Variants in CACNB4 observed in about 807,000 individuals in gnomAD.
CACNB4 encodes voltage-dependent L-type calcium channel subunit beta-4.
Under a neutral mutation model 71.2 loss-of-function variants are expected in CACNB4, and 32 were observed. The ratio of observed to expected loss-of-function variants is 0.45; its 90% CI spans 0.34 to 0.60. The LOEUF (loss-of-function observed/expected upper bound fraction) is 0.60, where lower values mean the gene tolerates loss of function less well. Among genes scored for constraint, CACNB4 ranks in the 20% least tolerant of loss-of-function variants. CACNB4 has a pLI of 0.01. For synonymous variants in CACNB4, 231 were observed against 236.9 expected, an observed-to-expected ratio of 0.97 and a Z score of 0.23; for missense variants, 464 against 647.9, an observed-to-expected ratio of 0.72 and a Z score of 3.08.
At chr2:151,874,281 AAT>A (rs2151421534) in intron 5 of CACNB4, 1 of 152,294 alleles carries the variant, frequency 6.6e-6, no homozygotes, top group East Asian at 1.9e-4. Flanking sequence ...CAGCCTGACC[AAT>A]ATGATGAAAC....
chr2:151,933,150 G>T (rs1208499349), intron 2 of CACNB4, among the ~76,000 whole-genome samples: 1 of 149,688 alleles, frequency 6.7e-6, no homozygotes, highest in African/African-American at 2.5e-5. Flanking sequence ...TGGTGCAAAA[G>T]TAATTGTGGT....
rs539962929 is a variant in CACNB4 at position 151,931,474 on chromosome 2, A to G, written c.148-48104T>C. Among the ~76,000 whole-genome samples the G allele has an allele frequency of 4.6e-5, 7 of 152,332 alleles. No homozygotes were observed. In the South Asian group the frequency reaches 1.4e-3, roughly 32 times the overall value. On this transcript the variant is annotated intron_variant, in intron 2 of 13. Coordinates refer to ENST00000539935, the MANE Select transcript of CACNB4 (RefSeq NM_000726.5). ...ACAGCATGTGTAGTATGTGACACAT[A>G]AAGGCTTACTTTCAGGCTCACAAAA...
intron 2 of CACNB4, among the ~76,000 whole-genome samples, chr2:151,934,537 A>C (rs890659272): frequency 6.6e-6 from 1 of 152,238 alleles, no homozygotes; most frequent in Non-Finnish European, 1.5e-5. Flanking sequence ...CGTGAGACTC[A>C]GTTAAAAATT....
rs1029359359 is a variant in CACNB4, at chr2:151,835,610, C to T, written c.*3509G>A. ...TAAGGTTGCCAAGACACATTCTTAA[C>T]GGACATCCTGGGTCTTAACAACATT... On this transcript the variant is annotated 3_prime_UTR_variant, in exon 14 of 14. Coordinates refer to ENST00000539935, the MANE Select transcript of CACNB4 (RefSeq NM_000726.5). 4.6e-5 allele frequency: 7 copies of T among 151,836 alleles called. No individual in the cohort carries two copies. The highest frequency in any genetic ancestry group is 2.0e-4 in the Admixed American group (3 of 15,254). 9.4% of individuals were successfully genotyped at this position (151,836 alleles called of 1,614,324 possible). A position where few individuals can be genotyped will look rare whatever the true frequency, so the allele number is the denominator to read the frequency against.
chr2:151,971,745 G>C, intron 2 of CACNB4: 1 of 635,612 alleles, frequency 1.6e-6, no homozygotes, highest in Non-Finnish European at 2.8e-6. Flanking sequence ...TTCAGAGTCA[G>C]TTCACCCCTC....
Position 152,014,615 on chromosome 2 carries a change from C to T in CACNB4, c.147+83715G>A, listed in dbSNP as rs1224056511. On this transcript the variant is annotated intron_variant, in intron 2 of 13. Transcript: ENST00000539935. ...GTGTGGTGGCAGGCACCTATAATCCCAGGTACTCAGGAGGGTGAGGCAGGA... is the reference window on the plus strand; with the variant it reads ...GTGTGGTGGCAGGCACCTATAATCCTAGGTACTCAGGAGGGTGAGGCAGGA... Among the ~76,000 whole-genome samples, 4 of 151,778 alleles carry T rather than the reference C, an allele frequency of 2.6e-5. No homozygotes were observed. The East Asian group carries it at 7.8e-4, about 29-fold the overall frequency.
At chr2:151,935,760 T>C (rs910819836) in intron 2 of CACNB4, among the ~76,000 whole-genome samples, 2 of 152,260 alleles carry the variant, frequency 1.3e-5, no homozygotes, top group Non-Finnish European at 2.9e-5. Context: ...CTGATAACAT[T>C]TGAAGAAATA....
chr2:152,022,398 C>T (rs907207950), intron 2 of CACNB4, among the ~76,000 whole-genome samples: 3 of 152,160 alleles, frequency 2.0e-5, no homozygotes, highest in African/African-American at 4.8e-5. Flanking sequence ...GATATAAAAG[C>T]GAAGTGCTTC....
chr2:152,042,051 C>T (rs980083404), intron 2 of CACNB4, among the ~76,000 whole-genome samples: 47 of 152,292 alleles, frequency 3.1e-4, no homozygotes, highest in African/African-American at 1.1e-3. Context: ...CTAGCCAAAC[C>T]TCACCCTAAA....
intron 2 of CACNB4, among the ~76,000 whole-genome samples, chr2:152,066,281 T>C (rs569487404): frequency 3.5e-4 from 53 of 152,188 alleles, no homozygotes; most frequent in African/African-American, 1.2e-3. Flanking sequence ...TCCACACTCA[T>C]GCATTTGCAA....
intron 2 of CACNB4, among the ~76,000 whole-genome samples, chr2:152,051,871 C>T (rs1027822308): frequency 4.6e-5 from 7 of 152,194 alleles, no homozygotes; most frequent in African/African-American, 1.7e-4. Flanking sequence ...TGTGCCTATA[C>T]TGGACTTTTC....
chr2:151,976,620 G>A (rs1037174220), intron 2 of CACNB4, among the ~76,000 whole-genome samples: 1 of 152,142 alleles, frequency 6.6e-6, no homozygotes, highest in African/African-American at 2.4e-5. Context: ...GTCACCTAAG[G>A]GTTTCAACCC....
At chr2:151,889,399 G>C (rs2099850177) in intron 2 of CACNB4, among the ~76,000 whole-genome samples, 2 of 150,964 alleles carry the variant, frequency 1.3e-5, no homozygotes, top group African/African-American at 4.9e-5. Context: ...CCAGGAGAAG[G>C]AGGTTGCAGT....
chr2:151,903,997 G>C (rs1322105592), intron 2 of CACNB4, among the ~76,000 whole-genome samples: 1 of 151,706 alleles, frequency 6.6e-6, no homozygotes, highest in Non-Finnish European at 1.5e-5. Flanking sequence ...AGGGAAGAAG[G>C]GCAAAAAAAG....
At chr2:151,992,397 T>C (rs1318305950) in intron 2 of CACNB4, among the ~76,000 whole-genome samples, 2 of 152,248 alleles carry the variant, frequency 1.3e-5, no homozygotes, top group Non-Finnish European at 2.9e-5. Flanking sequence ...ACAGTGCACA[T>C]TTACTCCCTG....
At chr2:151,917,398 G>T (rs562211281) in intron 2 of CACNB4, among the ~76,000 whole-genome samples, 1 of 152,312 alleles carries the variant, frequency 6.6e-6, no homozygotes, top group Non-Finnish European at 1.5e-5. Flanking sequence ...CTCGGGTCTA[G>T]ACATGTGGGT....
At chr2:151,973,951 A>G in intron 2 of CACNB4, 1 of 1,256,408 alleles carries the variant, frequency 8.0e-7, no homozygotes, top group Non-Finnish European at 1.0e-6. Context: ...AAAAAGCAAA[A>G]CCCTTCCTCA....
At chr2:151,994,687 G>C (rs1359157485) in intron 2 of CACNB4, among the ~76,000 whole-genome samples, 1 of 152,200 alleles carries the variant, frequency 6.6e-6, no homozygotes, top group East Asian at 1.9e-4. Flanking sequence ...CTGCCTCATA[G>C]GCTCCTTAAG....
intron 2 of CACNB4, among the ~76,000 whole-genome samples, chr2:151,885,211 T>C (rs1401780): frequency 0.48 from 73,126 of 152,170 alleles, 21,952 homozygotes; most frequent in Non-Finnish European, 0.67. Flanking sequence ...TTATAGAAGT[T>C]ACTGGACCAC....
Sources: allele counts gnomAD v4.1 joint callset (sites outside exome capture counted in the v4.1 genomes callset), GRCh38; gene constraint gnomAD v4.1.1; transcripts MANE v1.5; gene names NCBI Gene and HGNC (gene_info 2026-07-23, HGNC 2026-07-21).